MEMO1: variants seen among roughly 807,000 people sequenced by gnomAD.
MEMO1 encodes mediator of cell motility 1.
In MEMO1, 6 loss-of-function variants were observed where a neutral mutation model predicts 45.2. The ratio of observed to expected loss-of-function variants is 0.13; its 90% CI spans 0.07 to 0.26. The LOEUF (loss-of-function observed/expected upper bound fraction) is 0.26. Among genes scored for constraint, MEMO1 ranks in the 10% least tolerant of loss-of-function variants. The probability of loss-of-function intolerance (pLI) is 1.00; values close to 1 mark genes in which losing one functional copy is unlikely to be tolerated. For missense variants in MEMO1, 184 were observed against 370.5 expected (o/e 0.50, Z 4.13); for synonymous variants, 78 against 124.3 (o/e 0.63, Z 2.48).
chr2:32,001,085 C>T (rs1475269282), intron 2 of MEMO1, among the ~76,000 whole-genome samples: 4 of 133,348 alleles, frequency 3.0e-5, no homozygotes, highest in East Asian at 2.3e-4. Context: ...CTCACCCAGG[C>T]GGGAGTGCAG....
At position 31,903,841 on chromosome 2, in the gene MEMO1, GCTCTGTGA is replaced by G. The variant is rs544167683; in HGVS notation, c.438-11715_438-11708del. Among the ~76,000 whole-genome samples the G allele has an allele frequency of 6.6e-4, 101 of 152,326 alleles. 2 individuals carry two copies. In the South Asian group the frequency reaches 0.021, roughly 31 times the overall value. On this transcript the variant is annotated intron_variant, in intron 6 of 9. Coordinates refer to ENST00000404530, the MANE Select transcript of MEMO1 (RefSeq NM_001301833.4). Reference sequence around the variant, plus strand: ...AAGAAAACATTTGAAAAATGCCACTGCTCTGTGACTGTCATTAAACTGGGCAGAGGAAG... The same window carrying G: ...AAGAAAACATTTGAAAAATGCCACTGCTGTCATTAAACTGGGCAGAGGAAG...
chr2:31,883,332 T>C (rs770516016), intron 8 of MEMO1, 54 bp downstream of exon 8: 168 of 1,214,924 alleles, frequency 1.4e-4, no homozygotes, highest in Non-Finnish European at 1.9e-4. Flanking sequence ...ATTACTAATC[T>C]GAAATTAAAG....
chr2:32,002,220 C>A (rs1419596406), intron 2 of MEMO1, among the ~76,000 whole-genome samples: 2 of 133,094 alleles, frequency 1.5e-5, no homozygotes, highest in Admixed American at 7.8e-5. Flanking sequence ...TACGTATATA[C>A]GTATATGTGT....
chr2:31,902,100 A>C (rs1678926754), intron 6 of MEMO1, among the ~76,000 whole-genome samples: 1 of 152,002 alleles, frequency 6.6e-6, no homozygotes, highest in Non-Finnish European at 1.5e-5. Flanking sequence ...TGGACAACAT[A>C]GCAAGACCCC....
chr2:31,925,475 C>CAAAAAAAAAAAAAAAAAAAAAAAA (rs70964741), intron 4 of MEMO1, among the ~76,000 whole-genome samples: 1 of 79,236 alleles, frequency 1.3e-5, no homozygotes, highest in African/African-American at 7.0e-5. Flanking sequence ...GACTCCGTCT[C>CAAAAAAAAAAAAAAAAAAAAAAAA]AAAAAAAAAA....
At chr2:31,928,731 A>G (rs1683499215) in intron 4 of MEMO1, among the ~76,000 whole-genome samples, 1 of 152,122 alleles carries the variant, frequency 6.6e-6, no homozygotes, top group Non-Finnish European at 1.5e-5. Flanking sequence ...TTTCTCATAT[A>G]AGAAAACACA....
chr2:31,961,203 C>T (rs1667969150), intron 2 of MEMO1, among the ~76,000 whole-genome samples: 1 of 151,414 alleles, frequency 6.6e-6, no homozygotes, highest in Admixed American at 6.6e-5. Flanking sequence ...ACTGAAAATA[C>T]AAAAATTAGC....
chr2:31,918,050 C>CA lies in MEMO1; in HGVS notation c.326-14dup, dbSNP rs754603096. 4 of 1,565,100 alleles carry CA rather than the reference C, an allele frequency of 2.6e-6. No homozygotes were observed. The highest frequency in any genetic ancestry group is 1.1e-5 in the South Asian group (1 of 88,672). On this transcript the variant is annotated splice_polypyrimidine_tract_variant and intron_variant, in intron 5 of 9. Transcript: ENST00000404530. ...AGTTCTCCGTAAACTAAAGAGATTT[C>CA]AAAATACAGTAAAATAAATATATTA... is the stretch of plus-strand genomic sequence containing the variant.
chr2:31,990,990 G>A (rs937132056), intron 2 of MEMO1, among the ~76,000 whole-genome samples: 1 of 152,098 alleles, frequency 6.6e-6, no homozygotes, highest in African/African-American at 2.4e-5. Context: ...ACCCAAAAAA[G>A]GGGGGTATCA....
intron 6 of MEMO1, among the ~76,000 whole-genome samples, chr2:31,899,970 CCA>C (rs1678532472): frequency 6.6e-6 from 1 of 152,148 alleles, no homozygotes; most frequent in African/African-American, 2.4e-5. Flanking sequence ...CAAATCAAAA[CCA>C]CAGTGTGATA....
At chr2:31,881,354 G>C (rs1675330987) in intron 8 of MEMO1, among the ~76,000 whole-genome samples, 1 of 151,674 alleles carries the variant, frequency 6.6e-6, no homozygotes, top group Non-Finnish European at 1.5e-5. Context: ...AATTAGCCAG[G>C]TGTGGTGGTA....
chr2:32,003,234 A>G (rs1488480438), intron 2 of MEMO1, among the ~76,000 whole-genome samples: 2 of 152,152 alleles, frequency 1.3e-5, no homozygotes, highest in Non-Finnish European at 2.9e-5. Flanking sequence ...AATTTTATCA[A>G]TTGTTTAGAA....
intron 2 of MEMO1, among the ~76,000 whole-genome samples, chr2:31,951,822 C>T (rs542217057): frequency 3.9e-5 from 6 of 152,234 alleles, no homozygotes; most frequent in East Asian, 3.9e-4. Context: ...TGAGCCACCA[C>T]GCCCAGCCCC....
intron 4 of MEMO1, among the ~76,000 whole-genome samples, chr2:31,926,420 A>G (rs184788611): frequency 1.3e-5 from 2 of 152,054 alleles, no homozygotes; most frequent in African/African-American, 4.8e-5. Context: ...AAAGAAAATA[A>G]TATACTTGTT....
At chr2:31,880,629 A>G (rs1242939911) in intron 8 of MEMO1, among the ~76,000 whole-genome samples, 1 of 152,210 alleles carries the variant, frequency 6.6e-6, no homozygotes, top group Non-Finnish European at 1.5e-5. Context: ...AAGCTGACAG[A>G]ATTTAAAGAC....
chr2:32,008,415 T>A (rs912761823), intron 2 of MEMO1, among the ~76,000 whole-genome samples: 13 of 152,126 alleles, frequency 8.5e-5, no homozygotes, highest in Non-Finnish European at 1.2e-4. Flanking sequence ...GAAACCTGTC[T>A]CTACTAAAAA....
At chr2:31,888,908 T>A (rs1233356514) in intron 7 of MEMO1, among the ~76,000 whole-genome samples, 1 of 152,094 alleles carries the variant, frequency 6.6e-6, no homozygotes, top group African/African-American at 2.4e-5. Context: ...CTTCAGTACG[T>A]CTACCTTTAT....
intron 2 of MEMO1, among the ~76,000 whole-genome samples, chr2:31,959,927 G>A (rs1370663937): frequency 6.6e-6 from 1 of 152,156 alleles, no homozygotes; most frequent in African/African-American, 2.4e-5. Flanking sequence ...AAAGATAAAT[G>A]TTAATCATTT....
intron 6 of MEMO1, among the ~76,000 whole-genome samples, chr2:31,913,719 T>C (rs1680983204): frequency 6.6e-6 from 1 of 152,166 alleles, no homozygotes; most frequent in Non-Finnish European, 1.5e-5. Flanking sequence ...CAAGACTAGT[T>C]GCTCCAGGCA....
Sources: gnomAD v4.1 joint callset for allele counts (sites outside exome capture counted in the v4.1 genomes callset) on GRCh38, gnomAD v4.1.1 for gene constraint, MANE v1.5 for transcripts, NCBI Gene and HGNC (gene_info 2026-07-23, HGNC 2026-07-21) for gene names.